Variants in UMPS observed in about 807,000 individuals in gnomAD.
UMPS encodes the protein uridine monophosphate synthetase.
A neutral mutation model predicts 38.9 loss-of-function variants in UMPS; 21 were observed. The observed-to-expected ratio is 0.54, with a 90% confidence interval of 0.38 to 0.78. The LOEUF (loss-of-function observed/expected upper bound fraction) is 0.78, where lower values mean the gene tolerates loss of function less well. Among genes scored for constraint, UMPS ranks in the 30% least tolerant of loss-of-function variants. UMPS has a pLI of 0.00. For synonymous variants in UMPS, 208 were observed against 219.3 expected, an observed-to-expected ratio of 0.95 and a Z score of 0.45; for missense variants, 533 against 591.6, an observed-to-expected ratio of 0.90 and a Z score of 1.03.
Position 124,746,469 on chromosome 3 carries a change from T to C in UMPS, c.*2385T>C, listed in dbSNP as rs1374282851. 8.8e-6 allele frequency: 4 copies of C among 453,720 alleles called. No individual in the cohort carries two copies. The Admixed American group carries it at 9.4e-5, about 11-fold the overall frequency. The allele number at this position is 453,720 out of a possible 1,614,324, so 28.1% of individuals were successfully genotyped here. On this transcript the variant is annotated 3_prime_UTR_variant, in exon 6 of 6. Coordinates refer to ENST00000232607, the MANE Select transcript of UMPS (RefSeq NM_000373.4). ...CAGAATCCCAGTCTGGCATCAAAGC[T>C]TTAGAGGACAAGTTGATTCAGGCAG...
Position 124,740,132 on chromosome 3 carries a change from G to A in UMPS, c.1091G>A (p.Gly364Glu). 1 of 1,613,996 alleles carries A rather than the reference G, an allele frequency of 6.2e-7. No individual in the cohort carries two copies. The highest frequency in any genetic ancestry group is 8.5e-7 in the Non-Finnish European group (1 of 1,180,038). The change falls in exon 4 of 6, where the codon GGG (glycine) becomes GAG (glutamate). Residue 364 changes from glycine (G) to glutamate (E), a missense_variant. Coordinates refer to ENST00000232607, the MANE Select transcript of UMPS (RefSeq NM_000373.4). ...LQEVGLPLHR[G>E]CLLIAEMSST... is the part of the protein sequence containing the mutation. ...GAAGTGGGCCTGCCTTTGCATCGGG[G>A]GTGCCTCCTTATTGCGGAAATGAGC...
chr3:124,737,251 A>AT (rs2063524071), intron 2 of UMPS: 1 of 308,490 alleles, frequency 3.2e-6, no homozygotes, highest in Non-Finnish European at 6.1e-6. Context: ...GATAAAACAG[A>AT]TTTTTTTAAA....
chr3:124,749,116 A>G lies in UMPS; in HGVS notation c.*5032A>G, dbSNP rs2063627030. The G allele has an allele frequency of 2.2e-6, 1 of 454,128 alleles. No homozygotes were observed. Among genetic ancestry groups the G allele is most frequent in the Admixed American group, 2.3e-5 (1 of 42,570 alleles). The allele number at this position is 454,128 out of a possible 1,614,324, so 28.1% of individuals were successfully genotyped here. A position where few individuals can be genotyped will look rare whatever the true frequency, so the allele number is the denominator to read the frequency against. On this transcript the variant is annotated 3_prime_UTR_variant, in exon 6 of 6. Transcript: ENST00000232607. ...GAGGATCCTGAAATGATTGTATTTA[A>G]CAAGACATGCTGTCCTTGTTTACCT...
In UMPS at chr3:124,746,725, G is replaced by A. The variant is rs1004582952; in HGVS notation, c.*2641G>A. ...CATCCCCCAGCCTCTCCAGCTACTC[G>A]AGGCATTCTGTAGAACATAAGCCCA... is the stretch of plus-strand genomic sequence containing the variant. On this transcript the variant is annotated 3_prime_UTR_variant, in exon 6 of 6. Transcript: ENST00000232607. 50 of 450,392 alleles carry A rather than the reference G, an allele frequency of 1.1e-4. No homozygotes were observed. Among genetic ancestry groups the A allele is most frequent in the Non-Finnish European group, 1.9e-4 (43 of 224,774 alleles). 27.9% of individuals were successfully genotyped at this position (450,392 alleles called of 1,614,324 possible).
At position 124,748,542 on chromosome 3, in the gene UMPS, A is replaced by G. The variant is rs1387189196; in HGVS notation, c.*4458A>G. ...GCCCTTTCCTTCCCACCAAGGGGGA[A>G]AGTCTTCCTCTAGACAAGAGGCAGA... On this transcript the variant is annotated 3_prime_UTR_variant, in exon 6 of 6. Coordinates refer to ENST00000232607, the MANE Select transcript of UMPS (RefSeq NM_000373.4). 1 of 454,030 alleles carries G rather than the reference A, an allele frequency of 2.2e-6. No homozygotes were observed. Among genetic ancestry groups the G allele is most frequent in the East Asian group, 6.9e-5 (1 of 14,416 alleles). The allele number at this position is 454,030 out of a possible 1,614,324, so 28.1% of individuals were successfully genotyped here. A position where few individuals can be genotyped will look rare whatever the true frequency, so the allele number is the denominator to read the frequency against.
Position 124,747,712 on chromosome 3 carries a change from C to T in UMPS, c.*3628C>T, listed in dbSNP as rs970950471. 2 of 453,632 alleles carry T rather than the reference C, an allele frequency of 4.4e-6. No homozygotes were observed. Among genetic ancestry groups the T allele is most frequent in the African/African-American group, 2.0e-5 (1 of 49,994 alleles). The allele number at this position is 453,632 out of a possible 1,614,324, so 28.1% of individuals were successfully genotyped here. A position where few individuals can be genotyped will look rare whatever the true frequency, so the allele number is the denominator to read the frequency against. On this transcript the variant is annotated 3_prime_UTR_variant, in exon 6 of 6. Coordinates refer to ENST00000232607, the MANE Select transcript of UMPS (RefSeq NM_000373.4). ...TAAATACATTTAACTTGCTGCAGCT[C>T]TCTGGATCCAGCCTGGTTACCAGGA...
chr3:124,748,245 C>T lies in UMPS; in HGVS notation c.*4161C>T. ...GCTCCCGGCCTGTTGGAGTTCTTTA[C>T]ATTTATTTTATAATCAATGCTGTTT... On this transcript the variant is annotated 3_prime_UTR_variant, in exon 6 of 6. Transcript: ENST00000232607. 2.2e-6 allele frequency: 1 copy of T among 453,884 alleles called. No individual in the cohort carries two copies. The highest frequency in any genetic ancestry group is 1.6e-5 in the South Asian group (1 of 64,466). The allele number at this position is 453,884 out of a possible 1,614,324, so 28.1% of individuals were successfully genotyped here. A position where few individuals can be genotyped will look rare whatever the true frequency, so the allele number is the denominator to read the frequency against.
Position 124,730,557 on chromosome 3 carries a change from A to C in UMPS, c.86A>C (p.Lys29Thr), listed in dbSNP as rs749083040. Reference sequence around the variant, plus strand: ...TTCAAGTTTGGGGACTTCGTGCTGAAGAGCGGGCTTTCCTCCCCCATCTAC... The same window carrying C: ...TTCAAGTTTGGGGACTTCGTGCTGACGAGCGGGCTTTCCTCCCCCATCTAC... ...QAFKFGDFVL[K>T]SGLSSPIYID... is the part of the protein sequence containing the mutation. Residue 29 changes from lysine (K) to threonine (T), a missense_variant, in exon 1 of 6, where the codon AAG becomes ACG. Lys to Thr is a moderately conservative substitution (Grantham distance 78, BLOSUM62 -1). Transcript: ENST00000232607. 41 of 1,613,898 alleles carry C rather than the reference A, an allele frequency of 2.5e-5. No homozygotes were observed. Among genetic ancestry groups the C allele is most frequent in the Non-Finnish European group, 3.3e-5 (39 of 1,179,900 alleles).
At chr3:124,732,967 G>GGTGTGTGT (rs61383415) in intron 1 of UMPS, among the ~76,000 whole-genome samples, 14,547 of 147,632 alleles carry the variant, frequency 0.099, 776 homozygotes, top group African/African-American at 0.13. Flanking sequence ...ACTAGATCAT[G>GGTGTGTGT]GTGTGTGTGT....
rs2063468106 is a variant in UMPS, at chr3:124,730,565, C to A, written c.94C>A (p.Leu32Ile). 6.2e-7 allele frequency: 1 copy of A among 1,613,952 alleles called. No homozygotes were observed. The change falls in exon 1 of 6, where the codon CTT (leucine) becomes ATT (isoleucine). Residue 32 changes from leucine (L) to isoleucine (I), a missense_variant. Transcript: ENST00000232607. ...KFGDFVLKSG[L>I]SSPIYIDLRG... ...TGGGGACTTCGTGCTGAAGAGCGGG[C>A]TTTCCTCCCCCATCTACATCGATCT...
chr3:124,730,579 C>G lies in UMPS; in HGVS notation c.108C>G (p.Ile36Met). ...TGAAGAGCGGGCTTTCCTCCCCCAT[C>G]TACATCGATCTGCGGGGCATCGTGT... ...FVLKSGLSSP[I>M]YIDLRGIVSR... The change falls in exon 1 of 6, where the codon ATC becomes ATG. Residue 36 changes from isoleucine to methionine, a missense_variant. Physicochemically the swap from Ile to Met is conservative, Grantham distance 10. Transcript: ENST00000232607. 6.2e-7 allele frequency: 1 copy of G among 1,613,228 alleles called. No individual in the cohort carries two copies. The highest frequency in any genetic ancestry group is 8.5e-7 in the Non-Finnish European group (1 of 1,179,230).
chr3:124,740,249 A>G (rs1356209973), intron 4 of UMPS, 50 bp downstream of exon 4: 2 of 1,530,706 alleles, frequency 1.3e-6, no homozygotes, highest in Admixed American at 2.1e-5. Flanking sequence ...GCTATGCTGC[A>G]TGCTGCAAGA....
rs753036077 is a variant in UMPS, at chr3:124,744,449, CTG to C, written c.*367_*368del. ...ATTTTTTTCGAGACAGGATCTCACT[CTG>C]TTGCCCAGGATGGAGTGCAGTGGTG... On this transcript the variant is annotated 3_prime_UTR_variant, in exon 6 of 6. Transcript: ENST00000232607. 2.2e-6 allele frequency: 1 copy of C among 454,696 alleles called. No individual in the cohort carries two copies. The highest frequency in any genetic ancestry group is 1.6e-5 in the South Asian group (1 of 64,458). The allele number at this position is 454,696 out of a possible 1,614,324, so 28.2% of individuals were successfully genotyped here.
chr3:124,745,723 C>G lies in UMPS; in HGVS notation c.*1639C>G, dbSNP rs550747272. ...GGGCTACTCTGGGGAAGCCAAAAGTCATGAAGGGGAGAAGAATTTTCTGAC... is the reference window on the plus strand; with the variant it reads ...GGGCTACTCTGGGGAAGCCAAAAGTGATGAAGGGGAGAAGAATTTTCTGAC... On this transcript the variant is annotated 3_prime_UTR_variant, in exon 6 of 6. Transcript: ENST00000232607. 2.6e-4 allele frequency: 118 copies of G among 454,080 alleles called. 5 individuals carry two copies. Among genetic ancestry groups the G allele is most frequent in the South Asian group, 1.8e-3 (116 of 64,472 alleles). 28.1% of individuals were successfully genotyped at this position (454,080 alleles called of 1,614,324 possible). A position where few individuals can be genotyped will look rare whatever the true frequency, so the allele number is the denominator to read the frequency against.
At chr3:124,740,775 G>A (rs558383700) in intron 4 of UMPS, among the ~76,000 whole-genome samples, 28 of 151,860 alleles carry the variant, frequency 1.8e-4, no homozygotes, top group Non-Finnish European at 1.3e-4. Context: ...GTGAGATCTC[G>A]TCTCTACAAA....
chr3:124,743,792 A>C, intron 5 of UMPS, 123 bp from the exon 6 acceptor site: 1 of 1,229,412 alleles, frequency 8.1e-7, no homozygotes, highest in Non-Finnish European at 1.1e-6. Flanking sequence ...GCTGTACAAA[A>C]GGGGAACGAA....
chr3:124,732,703 A>G (rs1051346177), intron 1 of UMPS, among the ~76,000 whole-genome samples: 5 of 152,242 alleles, frequency 3.3e-5, no homozygotes, highest in African/African-American at 1.2e-4. Context: ...AGTTCTATCA[A>G]GAAGACATAT....
At position 124,735,106 on chromosome 3, in the gene UMPS, T is replaced by C; in HGVS notation, c.170T>C (p.Leu57Ser). Residue 57 changes from leucine to serine, a missense_variant, in exon 2 of 6, where the codon TTA (leucine) becomes TCA (serine). Leu to Ser is a moderately radical substitution (Grantham distance 145). Coordinates refer to ENST00000232607, the MANE Select transcript of UMPS (RefSeq NM_000373.4). ...ATTTTCTTACAGGTTGCAGATATTT[T>C]ATTCCAAACTGCCCAAAATGCAGGC... ...PRLLSQVADI[L>S]FQTAQNAGIS... 1.9e-6 allele frequency: 3 copies of C among 1,613,792 alleles called. No homozygotes were observed. Among genetic ancestry groups the C allele is most frequent in the Non-Finnish European group, 2.5e-6 (3 of 1,179,794 alleles).
chr3:124,747,502 G>A lies in UMPS; in HGVS notation c.*3418G>A, dbSNP rs1220870646. The A allele has an allele frequency of 6.6e-6, 3 of 454,014 alleles. No homozygotes were observed. Among genetic ancestry groups the A allele is most frequent in the Non-Finnish European group, 1.3e-5 (3 of 226,812 alleles). 28.1% of individuals were successfully genotyped at this position (454,014 alleles called of 1,614,324 possible). On this transcript the variant is annotated 3_prime_UTR_variant, in exon 6 of 6. Transcript: ENST00000232607. ...CTCTCTGGCTTCTGCCACCACATGG[G>A]AAGAATATGCCCTGGTTAGCCCATG...
Sources: gnomAD v4.1 joint callset for allele counts (sites outside exome capture counted in the v4.1 genomes callset) on GRCh38, gnomAD v4.1.1 for gene constraint, MANE v1.5 for transcripts, NCBI Gene and HGNC (gene_info 2026-07-23, HGNC 2026-07-21) for gene names.